FRYL: variants seen among roughly 807,000 people sequenced by gnomAD.
FRYL encodes the protein protein furry homolog-like.
Under a neutral mutation model 351.2 loss-of-function variants are expected in FRYL, and 150 were observed. That is an observed-to-expected ratio of 0.43 (90% CI 0.37 to 0.49). The LOEUF is 0.49. Among genes scored for constraint, FRYL ranks in the 20% least tolerant of loss-of-function variants. FRYL has a pLI of 0.00. For synonymous variants in FRYL, 1,153 were observed against 1,257.1 expected, an observed-to-expected ratio of 0.92 and a Z score of 1.75; for missense variants, 3,036 against 3,619.3, an observed-to-expected ratio of 0.84 and a Z score of 4.13.
At chr4:48,578,060 G>C (rs1233733093) in intron 23 of FRYL, among the ~76,000 whole-genome samples, 1 of 150,604 alleles carries the variant, frequency 6.6e-6, no homozygotes, top group Admixed American at 6.6e-5. Flanking sequence ...AAATAAGATT[G>C]AATTTGAACT....
intron 24 of FRYL, among the ~76,000 whole-genome samples, chr4:48,575,590 C>T (rs1017938277): frequency 6.6e-6 from 1 of 152,174 alleles, no homozygotes; most frequent in Non-Finnish European, 1.5e-5. Flanking sequence ...GTCAGACACG[C>T]TGGTCTTAAG....
At chr4:48,696,643 A>G (rs1027689780) in intron 2 of FRYL, among the ~76,000 whole-genome samples, 1 of 152,130 alleles carries the variant, frequency 6.6e-6, no homozygotes, top group African/African-American at 2.4e-5. Context: ...ACGTATACCT[A>G]TACAACAAAC....
At chr4:48,583,421 G>C (rs560572904) in intron 19 of FRYL, among the ~76,000 whole-genome samples, 2 of 152,256 alleles carry the variant, frequency 1.3e-5, no homozygotes, top group East Asian at 3.9e-4. Context: ...AAAGTGCTGG[G>C]ATTACGGGCG....
chr4:48,589,907 T>C (rs750996858), intron 17 of FRYL, 30 bp from the exon 18 acceptor site: 1 of 1,544,552 alleles, frequency 6.5e-7, no homozygotes, highest in East Asian at 2.2e-5. Flanking sequence ...AGTTATAAAA[T>C]ATCTGAAATT....
chr4:48,681,738 C>G (rs1024627364), intron 3 of FRYL, among the ~76,000 whole-genome samples: 2 of 152,032 alleles, frequency 1.3e-5, no homozygotes, highest in African/African-American at 4.8e-5. Context: ...ATGGTGAAAA[C>G]TTCAGCATGA....
chr4:48,669,126 C>T lies in FRYL; in HGVS notation c.-81+15547G>A, dbSNP rs17656417. Among the ~76,000 whole-genome samples the T allele has an allele frequency of 2.6e-3, 394 of 152,066 alleles. 7 individuals are homozygous for T. The East Asian group carries it at 0.061, about 24-fold the overall frequency. Reference sequence around the variant, plus strand: ...TATGTTTTACTTGCTATTTATTTAGCGATACATTTACTTATCAATACATTT... The same window carrying T: ...TATGTTTTACTTGCTATTTATTTAGTGATACATTTACTTATCAATACATTT... On this transcript the variant is annotated intron_variant, in intron 3 of 63. Transcript: ENST00000358350.
chr4:48,737,751 T>C (rs1431856987), intron 1 of FRYL, among the ~76,000 whole-genome samples: 1 of 152,134 alleles, frequency 6.6e-6, no homozygotes, highest in Non-Finnish European at 1.5e-5. Context: ...AACCTAACGA[T>C]GTAACAGAAG....
At chr4:48,690,940 A>G (rs539126067) in intron 2 of FRYL, among the ~76,000 whole-genome samples, 30 of 152,346 alleles carry the variant, frequency 2.0e-4, no homozygotes, top group African/African-American at 6.3e-4. Context: ...AAGGTCATAA[A>G]GCAAGTAAGT....
chr4:48,685,731 G>A (rs1395653184), intron 2 of FRYL, among the ~76,000 whole-genome samples: 6 of 150,994 alleles, frequency 4.0e-5, no homozygotes, highest in Non-Finnish European at 8.8e-5. Flanking sequence ...AAGATTCCAC[G>A]TTATCAGGCA....
At chr4:48,630,053 T>C (rs1657365369) in intron 4 of FRYL, among the ~76,000 whole-genome samples, 1 of 152,154 alleles carries the variant, frequency 6.6e-6, no homozygotes. Context: ...ACCCCAGTTA[T>C]CTTCTGAGTC....
chr4:48,566,855 A>G (rs1736917788), intron 28 of FRYL, among the ~76,000 whole-genome samples: 1 of 152,206 alleles, frequency 6.6e-6, no homozygotes, highest in Non-Finnish European at 1.5e-5. Context: ...GTAACACGGT[A>G]TCCTTGTTAC....
At position 48,624,866 on chromosome 4, in the gene FRYL, T is replaced by A. The variant is rs116355878; in HGVS notation, c.121-1687A>T. 7.2e-3 allele frequency among the ~76,000 whole-genome samples: 1,104 copies of A among 152,306 alleles called. 5 individuals are homozygous for A. Among genetic ancestry groups the A allele is most frequent in the Non-Finnish European group, 0.011 (719 of 68,018 alleles). On this transcript the variant is annotated intron_variant, in intron 4 of 63. Coordinates refer to ENST00000358350, the MANE Select transcript of FRYL (RefSeq NM_015030.2). ...CCTGAACAGAACAAAAGAGGTGACCTTCCCATAAGTAAGAGGGAACTCCTC... is the reference window on the plus strand; with the variant it reads ...CCTGAACAGAACAAAAGAGGTGACCATCCCATAAGTAAGAGGGAACTCCTC...
At chr4:48,640,548 T>C (rs1755116000) in intron 3 of FRYL, among the ~76,000 whole-genome samples, 2 of 152,132 alleles carry the variant, frequency 1.3e-5, no homozygotes, top group Non-Finnish European at 2.9e-5. Flanking sequence ...GCAGTGAAAC[T>C]CCTCTGTAGT....
intron 62 of FRYL, 38 bp from the exon 63 acceptor site, chr4:48,500,258 T>C (rs1022082979): frequency 3.0e-6 from 4 of 1,354,226 alleles, no homozygotes; most frequent in Non-Finnish European, 3.0e-6. Context: ...ATTCGTATGT[T>C]TGGTAACAAA....
At chr4:48,597,393 T>G (rs894200780) in intron 13 of FRYL, among the ~76,000 whole-genome samples, 44 of 152,182 alleles carry the variant, frequency 2.9e-4, no homozygotes, top group Admixed American at 5.9e-4. Flanking sequence ...TAAACTCTAA[T>G]GTAAGCTGTG....
Position 48,582,650 on chromosome 4 carries a change from C to T in FRYL, c.1833G>A (p.Arg611=). Residue 611 remains arginine, a synonymous_variant, in exon 20 of 64, where the codon CGG becomes CGA. Coordinates refer to ENST00000358350, the MANE Select transcript of FRYL (RefSeq NM_015030.2). ...AAACAAATCCTGAAAGAACATCCTCCCGCCAATCTGGAAAATCAAGCATTA... is the reference window on the plus strand; with the variant it reads ...AAACAAATCCTGAAAGAACATCCTCTCGCCAATCTGGAAAATCAAGCATTA... ...QALMLDFPDW[R]EDVLSGFVYF... 1 of 1,614,092 alleles carries T rather than the reference C, an allele frequency of 6.2e-7. No individual in the cohort carries two copies. Among genetic ancestry groups the T allele is most frequent in the South Asian group, 1.1e-5 (1 of 91,078 alleles).
chr4:48,565,881 G>T (rs1179276383), intron 28 of FRYL, among the ~76,000 whole-genome samples, 190 bp from the exon 29 acceptor site: 1 of 152,194 alleles, frequency 6.6e-6, no homozygotes, highest in Non-Finnish European at 1.5e-5. Flanking sequence ...GTTGCAGTCT[G>T]TGTCACCCTG....
chr4:48,543,722 C>T, intron 44 of FRYL, 85 bp downstream of exon 44: 1 of 1,167,476 alleles, frequency 8.6e-7, no homozygotes, highest in Non-Finnish European at 1.2e-6. Context: ...CATTATCTTG[C>T]TCTAGCTATA....
intron 2 of FRYL, among the ~76,000 whole-genome samples, chr4:48,688,839 T>G (rs1248308376): frequency 6.6e-6 from 1 of 151,982 alleles, no homozygotes; most frequent in Non-Finnish European, 1.5e-5. Context: ...ATTTTTTGTA[T>G]TTTTAGTAGA....
Sources: gnomAD v4.1 joint callset for allele counts (sites outside exome capture counted in the v4.1 genomes callset) on GRCh38, gnomAD v4.1.1 for gene constraint, MANE v1.5 for transcripts, NCBI Gene and HGNC (gene_info 2026-07-23, HGNC 2026-07-21) for gene names.